Variants in PPEF1 observed in about 807,000 individuals in gnomAD.
The protein encoded by PPEF1 is protein phosphatase with EF-hand domain 1.
In PPEF1, 12 loss-of-function variants were observed where a neutral mutation model predicts 53.3. The ratio of observed to expected loss-of-function variants is 0.23; its 90% CI spans 0.14 to 0.36. PPEF1 has a LOEUF of 0.36. Among genes scored for constraint, PPEF1 ranks in the 10% least tolerant of loss-of-function variants. The pLI, the probability that PPEF1 is intolerant of heterozygous loss-of-function variation, is 1.00. For synonymous variants in PPEF1, 165 were observed against 176.7 expected, an observed-to-expected ratio of 0.93 and a Z score of 0.52; for missense variants, 334 against 490.4, an observed-to-expected ratio of 0.68 and a Z score of 3.01.
chrX:18,694,507 T>C, intron 4 of PPEF1, among the ~76,000 whole-genome samples: 1 of 111,571 alleles, frequency 9.0e-6, no homozygotes, highest in East Asian at 2.8e-4. Context: ...TACAAATACT[T>C]TGGGAGGCTG....
chrX:18,745,397 G>A (rs912317983), intron 3 of PPEF1, among the ~76,000 whole-genome samples: 2 of 105,335 alleles, frequency 1.9e-5, no homozygotes, highest in East Asian at 2.9e-4. Context: ...TGCATTTTTT[G>A]TAGGGGTTTT....
chrX:18,809,295 A>G, intron 12 of PPEF1, among the ~76,000 whole-genome samples: 1 of 110,691 alleles, frequency 9.0e-6, no homozygotes, highest in Non-Finnish European at 1.9e-5. Flanking sequence ...TAAATTACTT[A>G]TAATACCGAA....
chrX:18,685,616 C>G (rs927104187), intron 2 of PPEF1, among the ~76,000 whole-genome samples: 1 of 94,390 alleles, frequency 1.1e-5, no homozygotes, highest in Non-Finnish European at 2.0e-5. Flanking sequence ...ACCCGGGAGG[C>G]GGGGCTTGCA....
intron 1 of PPEF1, among the ~76,000 whole-genome samples, chrX:18,729,154 C>CAGGCA (rs55947123): frequency 1.8e-5 from 2 of 110,679 alleles, no homozygotes; most frequent in African/African-American, 3.3e-5. Flanking sequence ...AACTCTTCCC[C>CAGGCA]TTGTAACATC....
chrX:18,806,363 C>T, intron 11 of PPEF1, 40 bp from the exon 12 acceptor site: 1 of 1,167,434 alleles, frequency 8.6e-7, no homozygotes, highest in Non-Finnish European at 1.2e-6. Flanking sequence ...CTTTTGAGAA[C>T]TAATGTTACG....
chrX:18,813,029 C>T (rs930831366), intron 12 of PPEF1, among the ~76,000 whole-genome samples: 19 of 111,436 alleles, frequency 1.7e-4, no homozygotes, highest in South Asian at 3.7e-4. Context: ...TGTGAGCCAC[C>T]GCACTTGGCC....
intron 3 of PPEF1, among the ~76,000 whole-genome samples, chrX:18,746,757 G>A (rs962800369): frequency 3.6e-5 from 4 of 111,729 alleles, no homozygotes; most frequent in Non-Finnish European, 5.6e-5. Context: ...TGTAGGTATC[G>A]TGTAGCATAG....
chrX:18,710,242 A>G (rs987634708), intron 1 of PPEF1, among the ~76,000 whole-genome samples: 1 of 112,382 alleles, frequency 8.9e-6, no homozygotes, highest in African/African-American at 3.2e-5. Flanking sequence ...TATATATTCT[A>G]GATACAAGTT....
chrX:18,809,110 T>C (rs1240093921), intron 12 of PPEF1, among the ~76,000 whole-genome samples: 1 of 107,776 alleles, frequency 9.3e-6, no homozygotes, highest in Admixed American at 1.0e-4. Context: ...TATCTATCTA[T>C]CTATCTATCT....
rs1469672220 is a variant in PPEF1, at chrX:18,733,818, A to T, written c.235+10A>T. ...CATAAGGAAGAGCTAGGTAAGTAAA[A>T]AGCTTAGTCTTTTCAAATGTGTCAT... On this transcript the variant is annotated intron_variant, in intron 3 of 15. Coordinates refer to ENST00000470157, the MANE Select transcript of PPEF1 (RefSeq NM_001377996.1). 1 of 1,154,649 alleles carries T rather than the reference A, an allele frequency of 8.7e-7. No homozygotes were observed.
Position 18,782,256 on chromosome X carries a change from T to C in PPEF1, c.726-110T>C, listed in dbSNP as rs906427495. The C allele has an allele frequency of 4.9e-6, 3 of 614,038 alleles. No individual in the cohort carries two copies. The African/African-American group carries it at 6.9e-5, about 14-fold the overall frequency. The allele number at this position is 614,038 out of a possible 1,213,427, so 50.6% of individuals were successfully genotyped here. A position where few individuals can be genotyped will look rare whatever the true frequency, so the allele number is the denominator to read the frequency against. On this transcript the variant is annotated intron_variant, in intron 7 of 15. Transcript: ENST00000470157. Reference sequence around the variant, plus strand: ...TAACACTTCCAACTGAACTCTGGTTTCTTGAGTTCTTGTGATAGATACTGA... The same window carrying C: ...TAACACTTCCAACTGAACTCTGGTTCCTTGAGTTCTTGTGATAGATACTGA...
chrX:18,821,008 G>T (rs763178926), intron 13 of PPEF1, among the ~76,000 whole-genome samples: 3 of 109,400 alleles, frequency 2.7e-5, no homozygotes, highest in Admixed American at 2.0e-4. Context: ...TGGATCACGA[G>T]GTCAGGAGAT....
In PPEF1 at chrX:18,818,021, T is replaced by G. The variant is rs368825323; in HGVS notation, c.1395-18T>G. On this transcript the variant is annotated intron_variant, in intron 12 of 15. Transcript: ENST00000470157. The stretch of plus-strand genomic sequence containing the variant: ...GATGATTTATGTTACTTTTACCTAA[T>G]TATTGTTTTCTTTGCAGAGTGGATA... 9.3e-7 allele frequency: 1 copy of G among 1,074,934 alleles called. No individual in the cohort carries two copies. The allele number at this position is 1,074,934 out of a possible 1,213,427, so 88.6% of individuals were successfully genotyped here.
intron 4 of PPEF1, among the ~76,000 whole-genome samples, chrX:18,691,280 C>T (rs1484601600): frequency 1.8e-5 from 2 of 111,865 alleles, no homozygotes; most frequent in Admixed American, 1.9e-4. Flanking sequence ...GAAACTGGGT[C>T]ACCTTGATGT....
intron 3 of PPEF1, 110 bp from the exon 4 acceptor site, chrX:18,749,682 C>T (rs779961492): frequency 9.3e-6 from 5 of 537,926 alleles, no homozygotes; most frequent in East Asian, 7.4e-5. Flanking sequence ...ACATTTAGCA[C>T]AGTGCCTTAC....
intron 6 of PPEF1, among the ~76,000 whole-genome samples, chrX:18,769,497 A>G (rs994093098): frequency 1.8e-5 from 2 of 111,466 alleles, no homozygotes; most frequent in Non-Finnish European, 3.8e-5. Flanking sequence ...TGATGCCATG[A>G]GTGGTGACCT....
intron 5 of PPEF1, among the ~76,000 whole-genome samples, chrX:18,699,887 A>G (rs1342861482): frequency 8.9e-6 from 1 of 112,731 alleles, no homozygotes; most frequent in Non-Finnish European, 1.9e-5. Flanking sequence ...TCCTCAGTTT[A>G]CCTAAAGAGT....
rs1357888978 is a variant in PPEF1 at position 18,707,732 on chromosome X, TTAAA to T, written c.-48_-45del. 2 of 1,156,773 alleles carry T rather than the reference TTAAA, an allele frequency of 1.7e-6. No homozygotes were observed. Among genetic ancestry groups the T allele is most frequent in the Non-Finnish European group, 2.4e-6 (2 of 847,520 alleles). ...AGGGAGGCACTTTTCACACTCTGTC[TTAAA>T]ATCAGAAGTTGAATTCATGAACACA... On this transcript the variant is annotated 5_prime_UTR_variant, in exon 1 of 16. It removes the in-frame stop codon of an upstream open reading frame in the 5' UTR. Coordinates refer to ENST00000470157, the MANE Select transcript of PPEF1 (RefSeq NM_001377996.1).
At chrX:18,680,485 A>G (rs1252643337), upstream of PPEF1, among the ~76,000 whole-genome samples, 1 of 93,144 alleles carries the variant, frequency 1.1e-5, no homozygotes, top group African/African-American at 4.1e-5. Flanking sequence ...CTGGAGTGCA[A>G]TGGCGTGATC....
Sources: allele counts gnomAD v4.1 joint callset (sites outside exome capture counted in the v4.1 genomes callset), GRCh38; gene constraint gnomAD v4.1.1; transcripts MANE v1.5; gene names NCBI Gene and HGNC (gene_info 2026-07-23, HGNC 2026-07-21).